SNTG1: variants seen among roughly 807,000 people sequenced by gnomAD.
SNTG1 encodes the protein syntrophin gamma 1.
A neutral mutation model predicts 74.7 loss-of-function variants in SNTG1; 39 were observed. The observed-to-expected ratio is 0.52, with a 90% CI of 0.40 to 0.68. SNTG1 has a LOEUF of 0.68. Among genes scored for constraint, SNTG1 ranks in the 30% least tolerant of loss-of-function variants. The pLI, the probability that SNTG1 is intolerant of heterozygous loss-of-function variation, is 0.00. For synonymous variants in SNTG1, 254 were observed against 217.1 expected (o/e 1.17, Z -1.49); for missense variants, 685 against 609.5 (o/e 1.12, Z -1.30).
chr8:50,089,880 C>G (rs1262646840), intron 1 of SNTG1, among the ~76,000 whole-genome samples: 2 of 152,124 alleles, frequency 1.3e-5, no homozygotes, highest in Non-Finnish European at 2.9e-5. Context: ...CTAGAAATAC[C>G]ATTTGACCCA....
chr8:50,268,206 A>G (rs28869510), intron 2 of SNTG1, among the ~76,000 whole-genome samples: 17 of 152,218 alleles, frequency 1.1e-4, no homozygotes, highest in African/African-American at 3.9e-4. Context: ...CAAAACATGT[A>G]TAAGATCTGT....
chr8:50,703,590 T>TTTACTGTATTACTATAATACAGTAAA (rs2095433639), intron 15 of SNTG1, among the ~76,000 whole-genome samples: 3 of 152,004 alleles, frequency 2.0e-5, no homozygotes, highest in African/African-American at 7.3e-5. Flanking sequence ...AATACAGTAA[T>TTTACTGTATTACTATAATACAGTAAA]ATTTACTGTA....
Position 50,402,202 on chromosome 8 carries a change from A to G in SNTG1, c.28-8A>G. The G allele has an allele frequency of 1.3e-6, 2 of 1,581,300 alleles. No individual in the cohort carries two copies. The highest frequency in any genetic ancestry group is 1.7e-6 in the Non-Finnish European group (2 of 1,171,412). On this transcript the variant is annotated splice_region_variant and splice_polypyrimidine_tract_variant and intron_variant, in intron 3 of 18. Transcript: ENST00000642720. Reference sequence around the variant, plus strand: ...TTTCCTCTGTTTGTTTTTTTTTTTAATCTGAAGACAAAGACAGGAATTTGT... The same window carrying G: ...TTTCCTCTGTTTGTTTTTTTTTTTAGTCTGAAGACAAAGACAGGAATTTGT...
intron 15 of SNTG1, among the ~76,000 whole-genome samples, chr8:50,691,510 C>T (rs1355338761): frequency 6.6e-6 from 1 of 152,122 alleles, no homozygotes; most frequent in Admixed American, 6.5e-5. Flanking sequence ...AGTTATGAAG[C>T]TTAGTTTGGC....
intron 16 of SNTG1, 169 bp from the exon 17 acceptor site, chr8:50,708,717 C>T: frequency 3.5e-6 from 2 of 571,738 alleles, no homozygotes; most frequent in South Asian, 2.5e-5. Flanking sequence ...CTCTCAGCTT[C>T]TGTTTCATTA....
intron 2 of SNTG1, among the ~76,000 whole-genome samples, chr8:50,188,004 T>C (rs2083443894): frequency 6.6e-6 from 1 of 152,136 alleles, no homozygotes. Flanking sequence ...CCTTAGCCAC[T>C]TTGTCACCAG....
intron 2 of SNTG1, among the ~76,000 whole-genome samples, chr8:50,276,285 A>C (rs1273942791): frequency 6.6e-6 from 1 of 151,912 alleles, no homozygotes; most frequent in African/African-American, 2.4e-5. Flanking sequence ...CAGCTAGAAA[A>C]TGTTCTTAGC....
chr8:49,953,128 A>G (rs1809869534), intron 1 of SNTG1, among the ~76,000 whole-genome samples: 1 of 152,240 alleles, frequency 6.6e-6, no homozygotes, highest in Non-Finnish European at 1.5e-5. Context: ...ATCAAGAGTG[A>G]CAAGAAGATT....
intron 1 of SNTG1, among the ~76,000 whole-genome samples, chr8:50,015,948 C>G (rs561739925): frequency 4.3e-4 from 65 of 152,152 alleles, no homozygotes; most frequent in African/African-American, 1.5e-3. Context: ...ATTGGTTGTG[C>G]GACATGCAGT....
chr8:50,444,750 A>AG (rs2093389876), intron 5 of SNTG1, among the ~76,000 whole-genome samples: 7 of 96,722 alleles, frequency 7.2e-5, no homozygotes, highest in East Asian at 3.3e-4. Flanking sequence ...ACTCCATCTC[A>AG]GAAAAAAAAA....
At chr8:50,178,556 C>T (rs1232677396) in intron 2 of SNTG1, among the ~76,000 whole-genome samples, 1 of 152,072 alleles carries the variant, frequency 6.6e-6, no homozygotes, top group Admixed American at 6.6e-5. Context: ...AATATGAAGC[C>T]TCTTCCTCAG....
chr8:50,687,994 C>A (rs942278488), intron 15 of SNTG1, among the ~76,000 whole-genome samples: 17 of 152,132 alleles, frequency 1.1e-4, no homozygotes, highest in African/African-American at 3.9e-4. Flanking sequence ...ATTTGCATTT[C>A]TCTGATGGCC....
intron 9 of SNTG1, among the ~76,000 whole-genome samples, chr8:50,524,636 T>C (rs1360895305): frequency 6.6e-6 from 1 of 151,840 alleles, no homozygotes; most frequent in Non-Finnish European, 1.5e-5. Context: ...ATTAAAATAT[T>C]ACACAACAAT....
At chr8:50,099,164 T>A (rs1005426026) in intron 1 of SNTG1, among the ~76,000 whole-genome samples, 1 of 152,104 alleles carries the variant, frequency 6.6e-6, no homozygotes, top group African/African-American at 2.4e-5. Context: ...TGGGAACAGG[T>A]AGAATTCCAC....
intron 13 of SNTG1, among the ~76,000 whole-genome samples, chr8:50,596,694 T>C (rs1207568190): frequency 6.6e-6 from 1 of 152,080 alleles, no homozygotes; most frequent in East Asian, 1.9e-4. Context: ...AGTACTACGA[T>C]GTCTAACATG....
At chr8:50,327,723 C>G (rs2090806656) in intron 2 of SNTG1, among the ~76,000 whole-genome samples, 1 of 151,954 alleles carries the variant, frequency 6.6e-6, no homozygotes, top group Admixed American at 6.6e-5. Flanking sequence ...TGCCCTTCTT[C>G]TTTGTTTCAT....
intron 1 of SNTG1, among the ~76,000 whole-genome samples, chr8:49,944,478 CAAA>C: frequency 6.9e-6 from 1 of 144,524 alleles, no homozygotes; most frequent in Middle Eastern, 3.8e-3. Flanking sequence ...ATCGCAAGGA[CAAA>C]AAAACCAAAC....
rs562107940 is a variant in SNTG1 at position 50,548,998 on chromosome 8, G to A, written c.681-4052G>A. 2.0e-5 allele frequency among the ~76,000 whole-genome samples: 3 copies of A among 152,272 alleles called. No individual in the cohort carries two copies. In the South Asian group the frequency reaches 6.2e-4, roughly 32 times the overall value. On this transcript the variant is annotated intron_variant, in intron 11 of 18. Coordinates refer to ENST00000642720, the MANE Select transcript of SNTG1 (RefSeq NM_018967.5). Reference sequence around the variant, plus strand: ...TGTTAACTGACTTGCAAGGACCTCAGAGATATTGAAGGAGCATAGATGGGC... The same window carrying A: ...TGTTAACTGACTTGCAAGGACCTCAAAGATATTGAAGGAGCATAGATGGGC...
chr8:50,459,743 C>A (rs778212258), intron 8 of SNTG1, among the ~76,000 whole-genome samples: 1 of 152,124 alleles, frequency 6.6e-6, no homozygotes, highest in African/African-American at 2.4e-5. Flanking sequence ...GTTTAGCTCC[C>A]ACTTACAAAA....
Sources: allele counts gnomAD v4.1 joint callset (sites outside exome capture counted in the v4.1 genomes callset), GRCh38; gene constraint gnomAD v4.1.1; transcripts MANE v1.5; gene names NCBI Gene and HGNC (gene_info 2026-07-23, HGNC 2026-07-21).